MAGI2: variants seen among roughly 807,000 people sequenced by gnomAD.
MAGI2 encodes the protein membrane associated guanylate kinase, WW and PDZ domain containing 2.
MAGI2 carries 35 observed loss-of-function variants against 133.3 expected under a neutral mutation model. The ratio of observed to expected loss-of-function variants is 0.26; its 90% CI spans 0.20 to 0.35. The LOEUF (loss-of-function observed/expected upper bound fraction) is 0.35. Ranked by LOEUF, MAGI2 falls within the 10% of genes least tolerant of loss-of-function variation. MAGI2 has a pLI of 1.00. For synonymous variants in MAGI2, 729 were observed against 710.6 expected (o/e 1.03, Z -0.41); for missense variants, 1,636 against 1,863.4 (o/e 0.88, Z 2.25).
intron 1 of MAGI2, among the ~76,000 whole-genome samples, chr7:79,295,717 A>G (rs1177815647): frequency 6.6e-6 from 1 of 151,926 alleles, no homozygotes; most frequent in Admixed American, 6.6e-5. Flanking sequence ...CGAAAGCAGG[A>G]ATTTTTTTTT....
At chr7:78,822,371 T>C (rs1335386499) in intron 2 of MAGI2, among the ~76,000 whole-genome samples, 2 of 152,140 alleles carry the variant, frequency 1.3e-5, no homozygotes, top group Non-Finnish European at 2.9e-5. Context: ...TTGGTTGTAC[T>C]ATGGAGAGAA....
chr7:79,076,542 A>C (rs1400655225), intron 1 of MAGI2, among the ~76,000 whole-genome samples: 1 of 152,198 alleles, frequency 6.6e-6, no homozygotes, highest in East Asian at 1.9e-4. Flanking sequence ...TTCAAAGTTC[A>C]AAGATGAACT....
rs1795100002 is a variant in MAGI2, at chr7:78,276,744, C to T, written c.1409-20163G>A. Among the ~76,000 whole-genome samples the T allele has an allele frequency of 1.3e-5, 2 of 151,948 alleles. 1 individual carries two copies. The highest frequency in any genetic ancestry group is 4.1e-4 in the South Asian group (2 of 4,820). On this transcript the variant is annotated intron_variant, in intron 9 of 21. Transcript: ENST00000354212. Reference sequence around the variant, plus strand: ...ATCTTTATTTTCAGTATCTTACAAGCTAAAGATATATTTAAAATGTTAACC... The same window carrying T: ...ATCTTTATTTTCAGTATCTTACAAGTTAAAGATATATTTAAAATGTTAACC...
intron 2 of MAGI2, among the ~76,000 whole-genome samples, chr7:78,965,760 C>T (rs1484859735): frequency 6.6e-6 from 1 of 152,028 alleles, no homozygotes; most frequent in East Asian, 1.9e-4. Flanking sequence ...TGCAATGATT[C>T]AACCTGATTA....
chr7:78,165,699 C>G (rs1299287053), intron 15 of MAGI2, among the ~76,000 whole-genome samples: 1 of 152,164 alleles, frequency 6.6e-6, no homozygotes, highest in Non-Finnish European at 1.5e-5. Flanking sequence ...TGGAACCATC[C>G]ACTCCTAAGC....
chr7:78,506,014 A>G (rs1212405682), intron 4 of MAGI2, among the ~76,000 whole-genome samples: 1 of 152,186 alleles, frequency 6.6e-6, no homozygotes, highest in Non-Finnish European at 1.5e-5. Context: ...TCCTGAGAGC[A>G]AAGATACTGC....
chr7:78,928,052 T>C (rs1437335185), intron 2 of MAGI2, among the ~76,000 whole-genome samples: 4 of 151,976 alleles, frequency 2.6e-5, no homozygotes, highest in Non-Finnish European at 5.9e-5. Context: ...TTATTCTGAA[T>C]TATGCTTCCC....
At chr7:79,010,377 G>A (rs1202863612) in intron 1 of MAGI2, among the ~76,000 whole-genome samples, 2 of 151,980 alleles carry the variant, frequency 1.3e-5, no homozygotes, top group Non-Finnish European at 2.9e-5. Context: ...CAGACATTGG[G>A]CAATGATGTC....
chr7:78,288,645 T>C (rs1188643339), intron 9 of MAGI2, among the ~76,000 whole-genome samples: 1 of 152,226 alleles, frequency 6.6e-6, no homozygotes, highest in Non-Finnish European at 1.5e-5. Context: ...CTGGGCAGAC[T>C]GCCTCCTCAA....
intron 2 of MAGI2, among the ~76,000 whole-genome samples, chr7:78,767,651 T>C (rs911381774): frequency 2.6e-5 from 4 of 152,230 alleles, no homozygotes. Flanking sequence ...CTACTTAAGA[T>C]ATTCTCAGAA....
At chr7:78,619,005 T>TAAAAA (rs58783152) in intron 3 of MAGI2, 1 of 50,376 alleles carries the variant, frequency 2.0e-5, no homozygotes, top group African/African-American at 7.2e-5. Context: ...CCAAAATCGC[T>TAAAAA]AAAAAAAAAA....
chr7:79,093,180 A>AAG (rs1051675702), intron 1 of MAGI2, among the ~76,000 whole-genome samples: 14 of 152,180 alleles, frequency 9.2e-5, no homozygotes, highest in African/African-American at 3.1e-4. Flanking sequence ...TCTATTAAAA[A>AAG]AAAAAAAAGA....
At chr7:78,939,769 C>T (rs1428660886) in intron 2 of MAGI2, 1 of 152,114 alleles carries the variant, frequency 6.6e-6, no homozygotes, top group Non-Finnish European at 1.5e-5. Flanking sequence ...ATGTTTCTTG[C>T]ATCTAACATC....
At chr7:79,373,639 A>C (rs970158609) in intron 1 of MAGI2, among the ~76,000 whole-genome samples, 1 of 152,090 alleles carries the variant, frequency 6.6e-6, no homozygotes, top group African/African-American at 2.4e-5. Flanking sequence ...GGTTGAATAA[A>C]TGAAAACCCA....
intron 6 of MAGI2, among the ~76,000 whole-genome samples, chr7:78,379,807 T>C (rs539853556): frequency 6.6e-6 from 1 of 152,116 alleles, no homozygotes; most frequent in East Asian, 1.9e-4. Flanking sequence ...TTACAAAAAA[T>C]TCTTAAGTTC....
intron 9 of MAGI2, among the ~76,000 whole-genome samples, chr7:78,333,436 T>C (rs986882082): frequency 7.3e-5 from 11 of 150,002 alleles, no homozygotes; most frequent in Non-Finnish European, 1.0e-4. Flanking sequence ...CACCAAAAGG[T>C]TCCCCCTTCT....
At chr7:78,188,953 A>T (rs905401689) in intron 12 of MAGI2, among the ~76,000 whole-genome samples, 5 of 152,116 alleles carry the variant, frequency 3.3e-5, no homozygotes, top group African/African-American at 1.2e-4. Context: ...ACCATATATG[A>T]TGCGGCTTCC....
intron 12 of MAGI2, 72 bp from the exon 13 acceptor site, chr7:78,185,742 TTG>T: frequency 8.0e-7 from 1 of 1,245,826 alleles, no homozygotes; most frequent in Non-Finnish European, 1.2e-6. Flanking sequence ...TACTTTCTTT[TTG>T]TTGCTATCAT....
intron 16 of MAGI2, among the ~76,000 whole-genome samples, chr7:78,145,000 C>T (rs6943819): frequency 6.6e-6 from 1 of 152,052 alleles, no homozygotes; most frequent in African/African-American, 2.4e-5. Context: ...TCTGTTCCTG[C>T]TGATTCACTC....
Sources: gnomAD v4.1 joint callset for allele counts (sites outside exome capture counted in the v4.1 genomes callset) on GRCh38, gnomAD v4.1.1 for gene constraint, MANE v1.5 for transcripts, NCBI Gene and HGNC (gene_info 2026-07-23, HGNC 2026-07-21) for gene names.